Variants in ADAM19 observed in about 807,000 individuals in gnomAD.
ADAM19 encodes ADAM metallopeptidase domain 19.
Under a neutral mutation model 114.7 loss-of-function variants are expected in ADAM19, and 65 were observed. The ratio of observed to expected loss-of-function variants is 0.57; its 90% CI spans 0.46 to 0.70. The LOEUF (loss-of-function observed/expected upper bound fraction) is 0.70, where lower values mean the gene tolerates loss of function less well. Ranked by LOEUF, ADAM19 falls within the 30% of genes least tolerant of loss-of-function variation. The pLI is 0.00. For synonymous variants in ADAM19, 466 were observed against 460.5 expected (o/e 1.01, Z -0.15); for missense variants, 1,063 against 1,204.7 (o/e 0.88, Z 1.74).
intron 4 of ADAM19, among the ~76,000 whole-genome samples, chr5:157,532,631 T>C (rs889481079): frequency 7.2e-5 from 11 of 152,248 alleles, no homozygotes; most frequent in African/African-American, 1.9e-4. Flanking sequence ...AAGGGATGGA[T>C]GCAAACCACA....
intron 21 of ADAM19, 74 bp from the exon 22 acceptor site, chr5:157,482,017 G>T: frequency 8.1e-7 from 1 of 1,233,164 alleles, no homozygotes; most frequent in Non-Finnish European, 1.1e-6. Flanking sequence ...ATATCTTACA[G>T]GTTAAAATCA....
In ADAM19 at chr5:157,480,031, C is replaced by A. The variant is rs1754697039; in HGVS notation, c.*918G>T. ...CCAGTGAGGGAAATCCAGTGGCCGA[C>A]TGTGAGAGAGGACTCTGACTTGTAG... On this transcript the variant is annotated 3_prime_UTR_variant, in exon 23 of 23. Coordinates refer to ENST00000257527, the MANE Select transcript of ADAM19 (RefSeq NM_033274.5). The A allele has an allele frequency of 2.0e-6, 2 of 985,844 alleles. No homozygotes were observed. Among genetic ancestry groups the A allele is most frequent in the African/African-American group, 3.5e-5 (2 of 57,232 alleles). 61.1% of individuals were successfully genotyped at this position (985,844 alleles called of 1,614,324 possible). A position where few individuals can be genotyped will look rare whatever the true frequency, so the allele number is the denominator to read the frequency against.
intron 3 of ADAM19, among the ~76,000 whole-genome samples, chr5:157,542,567 T>C (rs1756944410): frequency 6.6e-6 from 1 of 152,138 alleles, no homozygotes; most frequent in Non-Finnish European, 1.5e-5. Flanking sequence ...TCCCAGGACT[T>C]TGGGAGGCCG....
In ADAM19 at chr5:157,481,842, G is replaced by C; in HGVS notation, c.2652C>G (p.Pro884=). 6.3e-7 allele frequency: 1 copy of C among 1,584,048 alleles called. No individual in the cohort carries two copies. The highest frequency in any genetic ancestry group is 8.6e-7 in the Non-Finnish European group (1 of 1,164,558). Residue 884 remains proline, a synonymous_variant, in exon 22 of 23, where the codon CCC becomes CCG. Coordinates refer to ENST00000257527, the MANE Select transcript of ADAM19 (RefSeq NM_033274.5). ...GGGACTGCTGAGGGCCAGCACCAGG[G>C]GGCCGCAGTGGGGATGCACCTCCTG... The part of the protein sequence containing the change: ...PRPGGASPLR[P]PGAGPQQSRP...
intron 18 of ADAM19, among the ~76,000 whole-genome samples, chr5:157,490,816 C>T (rs1210043318): frequency 2.0e-5 from 3 of 147,874 alleles, no homozygotes; most frequent in Non-Finnish European, 1.5e-5. Flanking sequence ...CACTTGAACC[C>T]GGGAGGCGGA....
At chr5:157,554,937 C>T (rs985994271) in intron 3 of ADAM19, among the ~76,000 whole-genome samples, 1 of 152,138 alleles carries the variant, frequency 6.6e-6, no homozygotes, top group Non-Finnish European at 1.5e-5. Context: ...TATCACATTA[C>T]ACTGACATGC....
chr5:157,527,274 G>T (rs935426820), intron 5 of ADAM19, among the ~76,000 whole-genome samples: 1 of 151,986 alleles, frequency 6.6e-6, no homozygotes, highest in Non-Finnish European at 1.5e-5. Context: ...GCAGTGATGC[G>T]ATTTCAGCTC....
At position 157,480,821 on chromosome 5, in the gene ADAM19, T is replaced by G; in HGVS notation, c.*128A>C. 6.6e-7 allele frequency: 1 copy of G among 1,510,784 alleles called. No homozygotes were observed. The highest frequency in any genetic ancestry group is 8.8e-7 in the Non-Finnish European group (1 of 1,134,232). The allele number at this position is 1,510,784 out of a possible 1,614,324, so 93.6% of individuals were successfully genotyped here. ...GTCAACAGGGAGATTTTTGGAGATGTGGAGGTTCCTGGAGGAGGGTGGGAG... is the reference window on the plus strand; with the variant it reads ...GTCAACAGGGAGATTTTTGGAGATGGGGAGGTTCCTGGAGGAGGGTGGGAG... On this transcript the variant is annotated 3_prime_UTR_variant, in exon 23 of 23. Coordinates refer to ENST00000257527, the MANE Select transcript of ADAM19 (RefSeq NM_033274.5).
chr5:157,478,671 C>G lies in ADAM19; in HGVS notation c.*2278G>C. The G allele has an allele frequency of 1.0e-6, 1 of 985,890 alleles. No individual in the cohort carries two copies. The highest frequency in any genetic ancestry group is 4.7e-5 in the South Asian group (1 of 21,290). 61.1% of individuals were successfully genotyped at this position (985,890 alleles called of 1,614,324 possible). On this transcript the variant is annotated 3_prime_UTR_variant, in exon 23 of 23. Transcript: ENST00000257527. ...AGCCAGGAGTGAAGCATTAGTAGAA[C>G]TGGTTGCCGAAAGTCTATCAAATTC...
chr5:157,537,625 A>G (rs1430808822), intron 4 of ADAM19, among the ~76,000 whole-genome samples: 1 of 152,266 alleles, frequency 6.6e-6, no homozygotes, highest in African/African-American at 2.4e-5. Context: ...TGGGTAATTA[A>G]CATAAAGCAA....
chr5:157,573,562 A>G (rs954444269), intron 1 of ADAM19, among the ~76,000 whole-genome samples: 1 of 152,154 alleles, frequency 6.6e-6, no homozygotes, highest in African/African-American at 2.4e-5. Flanking sequence ...CCTGGCCAAC[A>G]TGGTGAAACC....
intron 9 of ADAM19, among the ~76,000 whole-genome samples, chr5:157,508,915 G>C (rs925013472): frequency 6.6e-5 from 10 of 152,234 alleles, no homozygotes; most frequent in African/African-American, 2.4e-4. Context: ...TCCTGTGCCT[G>C]TGTTGGGAGA....
intron 4 of ADAM19, among the ~76,000 whole-genome samples, chr5:157,536,396 G>A (rs1250828915): frequency 6.6e-6 from 1 of 152,196 alleles, no homozygotes; most frequent in African/African-American, 2.4e-5. Context: ...GGGAGGCCAA[G>A]GTGGGCAGAT....
At chr5:157,502,752 G>A (rs901604476) in intron 12 of ADAM19, 51 bp downstream of exon 12, 6 of 1,588,872 alleles carry the variant, frequency 3.8e-6, no homozygotes, top group East Asian at 2.2e-5. Flanking sequence ...CTTGAGTTTT[G>A]AAACCAATGC....
At chr5:157,525,353 C>T (rs1756422941) in intron 5 of ADAM19, among the ~76,000 whole-genome samples, 1 of 152,190 alleles carries the variant, frequency 6.6e-6, no homozygotes, top group South Asian at 2.1e-4. Context: ...AGGCTCCCAC[C>T]TCCCTGAGAC....
chr5:157,480,608 C>T lies in ADAM19; in HGVS notation c.*341G>A. The stretch of plus-strand genomic sequence containing the variant: ...TGGCTTCTGCAAGCGAAGTGCTGGC[C>T]TGAGGGGCTTGCTGGCCTTGAGCAT... On this transcript the variant is annotated 3_prime_UTR_variant, in exon 23 of 23. Coordinates refer to ENST00000257527, the MANE Select transcript of ADAM19 (RefSeq NM_033274.5). 8.8e-7 allele frequency: 1 copy of T among 1,136,970 alleles called. No individual in the cohort carries two copies. The highest frequency in any genetic ancestry group is 1.1e-6 in the Non-Finnish European group (1 of 922,846). 70.4% of individuals were successfully genotyped at this position (1,136,970 alleles called of 1,614,324 possible). A position where few individuals can be genotyped will look rare whatever the true frequency, so the allele number is the denominator to read the frequency against.
chr5:157,555,787 T>C (rs1464717865), intron 3 of ADAM19, among the ~76,000 whole-genome samples: 3 of 152,196 alleles, frequency 2.0e-5, no homozygotes, highest in African/African-American at 7.2e-5. Context: ...TCGGTATTAT[T>C]GGGCCAAAAT....
At chr5:157,543,040 G>A (rs1056612370) in intron 3 of ADAM19, among the ~76,000 whole-genome samples, 1 of 151,928 alleles carries the variant, frequency 6.6e-6, no homozygotes, top group Admixed American at 6.6e-5. Context: ...AACCCCAAAG[G>A]TTATGATTTT....
At chr5:157,487,128 T>TGAAGC (rs1463137915) in intron 21 of ADAM19, among the ~76,000 whole-genome samples, 2 of 152,150 alleles carry the variant, frequency 1.3e-5, no homozygotes, top group Non-Finnish European at 2.9e-5. Context: ...CAGTGTGCAG[T>TGAAGC]ACTCTGCTAT....
Sources: allele counts gnomAD v4.1 joint callset (sites outside exome capture counted in the v4.1 genomes callset), GRCh38; gene constraint gnomAD v4.1.1; transcripts MANE v1.5; gene names NCBI Gene and HGNC (gene_info 2026-07-23, HGNC 2026-07-21).